Variants in PNN observed in about 807,000 individuals in gnomAD.
PNN encodes the protein pinin.
Under a neutral mutation model 76.6 loss-of-function variants are expected in PNN, and 38 were observed. That is an observed-to-expected ratio of 0.50 (90% CI 0.38 to 0.65). PNN has a LOEUF of 0.65. PNN is among the 30% of genes least tolerant of loss of function. The pLI, the probability that PNN is intolerant of heterozygous loss-of-function variation, is 0.00. For missense variants in PNN, 873 were observed against 874.1 expected, an observed-to-expected ratio of 1.00 and a Z score of 0.02; for synonymous variants, 366 against 283.7, an observed-to-expected ratio of 1.29 and a Z score of -2.91.
rs1050136 is a variant in PNN at position 39,181,620 on chromosome 14, C to T, written c.1911C>T (p.Gly637=). 117,873 of 1,613,434 alleles carry T rather than the reference C, an allele frequency of 0.073. 6,041 individuals are homozygous for T. Among genetic ancestry groups the T allele is most frequent in the East Asian group, 0.32 (14,244 of 44,844 alleles). Residue 637 remains glycine (G), a synonymous_variant, in exon 9 of 9, where the codon GGC becomes GGT. Transcript: ENST00000216832. The part of the protein sequence containing the change: ...SSSESRSRSR[G]RGHNRDRKHR... ...GTGAGAGTAGAAGTCGGAGTAGGGG[C>T]CGGGGACATAATAGAGATAGAAAGC...
chr14:39,180,432 C>T, intron 8 of PNN, 71 bp from the exon 9 acceptor site: 2 of 1,426,128 alleles, frequency 1.4e-6, no homozygotes, highest in Non-Finnish European at 1.9e-6. Flanking sequence ...CAATTTGTGA[C>T]CAGTTATAAA....
At chr14:39,177,188 C>G (rs1412296778) in intron 3 of PNN, among the ~76,000 whole-genome samples, 1 of 152,140 alleles carries the variant, frequency 6.6e-6, no homozygotes, top group African/African-American at 2.4e-5. Context: ...AGTTGGAGAA[C>G]AGCCTAGATA....
chr14:39,181,095 A>T lies in PNN; in HGVS notation c.1386A>T (p.Glu462Asp), dbSNP rs1363566195. 6.2e-7 allele frequency: 1 copy of T among 1,613,882 alleles called. No homozygotes were observed. Among genetic ancestry groups the T allele is most frequent in the Non-Finnish European group, 8.5e-7 (1 of 1,179,852 alleles). Residue 462 changes from glutamate (E) to aspartate (D), a missense_variant, in exon 9 of 9, where the codon GAA becomes GAT. Physicochemically the swap from Glu to Asp is conservative, Grantham distance 45. Around this residue, in one of 3 missense-constraint regions of PNN, gnomAD observed 712 missense variants for 693.1 expected, o/e 1.03. Coordinates refer to ENST00000216832, the MANE Select transcript of PNN (RefSeq NM_002687.4). ...LDMEKESEEKEEKESEPQPEP... is the reference protein window; with the variant it reads ...LDMEKESEEKDEKESEPQPEP... Reference sequence around the variant, plus strand: ...TGGAAAAGGAGTCTGAGGAAAAAGAAGAAAAAGAATCTGAGCCCCAACCTG... The same window carrying T: ...TGGAAAAGGAGTCTGAGGAAAAAGATGAAAAAGAATCTGAGCCCCAACCTG...
In PNN at chr14:39,181,690, G is replaced by A; in HGVS notation, c.1981G>A (p.Glu661Lys). Reference sequence around the variant, plus strand: ...GAAGAGAAGGGATACTTCAGGACTAGAAAGAAGTCACAAATCTTCAAAAGG... The same window carrying A: ...GAAGAGAAGGGATACTTCAGGACTAAAAAGAAGTCACAAATCTTCAAAAGG... ...DRKRRDTSGLERSHKSSKGGS... is the reference protein window; with the variant it reads ...DRKRRDTSGLKRSHKSSKGGS... Residue 661 changes from glutamate to lysine, a missense_variant, in exon 9 of 9, where the codon GAA becomes AAA. Coordinates refer to ENST00000216832, the MANE Select transcript of PNN (RefSeq NM_002687.4). 6.2e-7 allele frequency: 1 copy of A among 1,614,056 alleles called. No homozygotes were observed.
intron 3 of PNN, 99 bp from the exon 4 acceptor site, chr14:39,177,313 G>T (rs1299111232): frequency 2.3e-6 from 2 of 870,798 alleles, no homozygotes; most frequent in Non-Finnish European, 3.6e-6. Context: ...TTGAGCCTGG[G>T]AGGTCGAGGC....
At chr14:39,177,984 T>A (rs68193573) in intron 6 of PNN, 68 bp downstream of exon 6, 317,812 of 972,342 alleles carry the variant, frequency 0.33, 56,545 homozygotes, top group Non-Finnish European at 0.36. Flanking sequence ...ATGTTTTTTT[T>A]AAAAAATCCT....
intron 8 of PNN, among the ~76,000 whole-genome samples, chr14:39,180,177 T>C (rs1174354264): frequency 6.6e-6 from 1 of 152,100 alleles, no homozygotes; most frequent in African/African-American, 2.4e-5. Flanking sequence ...ATCAGAAAAA[T>C]TAATATATAT....
At chr14:39,175,871 TA>T in intron 1 of PNN, 1 of 551,826 alleles carries the variant, frequency 1.8e-6, no homozygotes, top group Non-Finnish European at 3.2e-6. Context: ...GAGGTGAATA[TA>T]ATTTCTGTGA....
At position 39,179,197 on chromosome 14, in the gene PNN, A is replaced by C; in HGVS notation, c.605A>C (p.Lys202Thr). The change falls in exon 7 of 9, where the codon AAA becomes ACA. Residue 202 changes from lysine to threonine, a missense_variant. Around this residue, in one of 3 missense-constraint regions of PNN, gnomAD observed 712 missense variants for 693.1 expected, o/e 1.03. Coordinates refer to ENST00000216832, the MANE Select transcript of PNN (RefSeq NM_002687.4). ...RRELFEERRA[K>T]QTELRLLEQK... is the part of the protein sequence containing the mutation. Reference sequence around the variant, plus strand: ...GAACTGTTTGAAGAGAGGCGTGCTAAACAGACAGAACTGCGGCTTTTGGAA... The same window carrying C: ...GAACTGTTTGAAGAGAGGCGTGCTACACAGACAGAACTGCGGCTTTTGGAA... The C allele has an allele frequency of 6.2e-7, 1 of 1,613,854 alleles. No individual in the cohort carries two copies. Among genetic ancestry groups the C allele is most frequent in the South Asian group, 1.1e-5 (1 of 90,930 alleles).
At position 39,180,928 on chromosome 14, in the gene PNN, G is replaced by A; in HGVS notation, c.1219G>A (p.Glu407Lys). 6.2e-7 allele frequency: 1 copy of A among 1,614,158 alleles called. No homozygotes were observed. The highest frequency in any genetic ancestry group is 8.5e-7 in the Non-Finnish European group (1 of 1,180,014). Residue 407 changes from glutamate to lysine, a missense_variant, in exon 9 of 9, where the codon GAA becomes AAA. Transcript: ENST00000216832. Reference sequence around the variant, plus strand: ...TGTAATTGCTGACCAGGAGGTAATGGAAACTAATCGAGTTGAAAGTGTAGA... The same window carrying A: ...TGTAATTGCTGACCAGGAGGTAATGAAAACTAATCGAGTTGAAAGTGTAGA... ...KHVIADQEVM[E>K]TNRVESVEPS... is the part of the protein sequence containing the mutation.
chr14:39,179,842 C>G (rs1347182113), intron 8 of PNN, among the ~76,000 whole-genome samples: 1 of 150,262 alleles, frequency 6.7e-6, no homozygotes. Context: ...GCAGAAGTTG[C>G]AGTGAGCCGA....
Position 39,179,318 on chromosome 14 carries a change from C to G in PNN, c.655-6C>G. On this transcript the variant is annotated splice_region_variant and splice_polypyrimidine_tract_variant and intron_variant, in intron 7 of 8. Transcript: ENST00000216832. ...CAAAAGCACTGACCCTTTACCTTTT[C>G]TTTAGCAAGAAGAATGGAATGAACA... The G allele has an allele frequency of 5.6e-6, 9 of 1,608,530 alleles. No individual in the cohort carries two copies. Among genetic ancestry groups the G allele is most frequent in the Non-Finnish European group, 5.9e-6 (7 of 1,178,538 alleles).
In PNN at chr14:39,180,689, A is replaced by G; in HGVS notation, c.980A>G (p.Asn327Ser). ...EELEETGNQH[N>S]DVEIEEAGEE... ...TTGGAGGAGACAGGTAATCAGCACA[A>G]TGATGTAGAAATAGAGGAAGCAGGA... Residue 327 changes from asparagine to serine, a missense_variant, in exon 9 of 9, where the codon AAT becomes AGT. By Grantham distance (46) the Asn-to-Ser change is conservative. Around this residue, in one of 3 missense-constraint regions of PNN, gnomAD observed 712 missense variants for 693.1 expected, o/e 1.03. Coordinates refer to ENST00000216832, the MANE Select transcript of PNN (RefSeq NM_002687.4). The G allele has an allele frequency of 1.9e-6, 3 of 1,608,290 alleles. No homozygotes were observed. The highest frequency in any genetic ancestry group is 1.7e-6 in the Non-Finnish European group (2 of 1,176,702).
rs2139403648 is a variant in PNN at position 39,180,538 on chromosome 14, CAAAT to C, written c.837_840del (p.Asn279LysfsTer11). ...AGGTAGACGCATCGAATTTGCAGAACAAATAAATAAAATGGAGGCTAGGCCTAGA... is the reference window on the plus strand; with the variant it reads ...AGGTAGACGCATCGAATTTGCAGAACAAATAAAATGGAGGCTAGGCCTAGA... On this transcript the variant is annotated frameshift_variant, in exon 9 of 9. Coordinates refer to ENST00000216832, the MANE Select transcript of PNN (RefSeq NM_002687.4). LOFTEE classifies it high-confidence loss of function. 1 of 1,600,722 alleles carries C rather than the reference CAAAT, an allele frequency of 6.2e-7. No homozygotes were observed. Among genetic ancestry groups the C allele is most frequent in the Non-Finnish European group, 8.5e-7 (1 of 1,175,858 alleles).
At chr14:39,180,481 C>T (rs2048253451) in intron 8 of PNN, 22 bp from the exon 9 acceptor site, 1 of 1,516,858 alleles carries the variant, frequency 6.6e-7, no homozygotes, top group African/African-American at 1.4e-5. Context: ...AAATTTTACA[C>T]ATGTAAATTT....
intron 6 of PNN, 114 bp from the exon 7 acceptor site, chr14:39,178,977 T>C: frequency 1.1e-6 from 1 of 937,000 alleles, no homozygotes; most frequent in South Asian, 1.8e-5. Flanking sequence ...CTCTAATGTT[T>C]CACGTAATTA....
chr14:39,176,326 TGAA>T, intron 2 of PNN, 177 bp downstream of exon 2: 1 of 632,116 alleles, frequency 1.6e-6, no homozygotes, highest in Non-Finnish European at 2.8e-6. Flanking sequence ...AACTGGAGGT[TGAA>T]GAATATATTA....
At position 39,181,329 on chromosome 14, in the gene PNN, A is replaced by G. The variant is rs747414598; in HGVS notation, c.1620A>G (p.Val540=). 10 of 1,614,086 alleles carry G rather than the reference A, an allele frequency of 6.2e-6. 1 individual carries two copies. In the African/African-American group the frequency reaches 8.0e-5, roughly 13 times the overall value. ...TAGAGTCTGTAAAACTCACTGAGGT[A>G]CCAGTAGAGCCAGTCTTGACAGTAC... ...FPVESVKLTE[V]PVEPVLTVHP... The change falls in exon 9 of 9, where the codon GTA becomes GTG. Residue 540 remains valine, a synonymous_variant. Coordinates refer to ENST00000216832, the MANE Select transcript of PNN (RefSeq NM_002687.4).
chr14:39,181,899 G>A lies in PNN; in HGVS notation c.*36G>A. On this transcript the variant is annotated 3_prime_UTR_variant, in exon 9 of 9. Transcript: ENST00000216832. ...CAGGCTTTCTTAGCCATTCTTTGCA[G>A]CAGAAGATTTCTTGATAAAAAAGGA... The A allele has an allele frequency of 6.6e-7, 1 of 1,522,044 alleles. No homozygotes were observed. The highest frequency in any genetic ancestry group is 1.8e-4 in the Middle Eastern group (1 of 5,648). The allele number at this position is 1,522,044 out of a possible 1,614,324, so 94.3% of individuals were successfully genotyped here. A position where few individuals can be genotyped will look rare whatever the true frequency, so the allele number is the denominator to read the frequency against.
Sources: allele counts gnomAD v4.1 joint callset (sites outside exome capture counted in the v4.1 genomes callset), GRCh38; gene constraint gnomAD v4.1.1; regional missense constraint gnomAD v4.1.1; transcripts MANE v1.5; gene names NCBI Gene and HGNC (gene_info 2026-07-23, HGNC 2026-07-21).